Variants in CALD1 observed in about 807,000 individuals in gnomAD.
The protein encoded by CALD1 is caldesmon.
CALD1 carries 33 observed loss-of-function variants against 99.9 expected under a neutral mutation model. The observed-to-expected ratio is 0.33, with a 90% CI of 0.25 to 0.44. The LOEUF (loss-of-function observed/expected upper bound fraction) is 0.44. CALD1 is among the 20% of genes least tolerant of loss of function. CALD1 has a pLI of 1.00. For synonymous variants in CALD1, 310 were observed against 325.0 expected, an observed-to-expected ratio of 0.95 and a Z score of 0.50; for missense variants, 861 against 962.1, an observed-to-expected ratio of 0.89 and a Z score of 1.39.
intron 7 of CALD1, 128 bp downstream of exon 7, chr7:134,941,365 G>C: frequency 4.3e-6 from 3 of 705,350 alleles, no homozygotes; most frequent in Non-Finnish European, 4.7e-6. Context: ...TTGTTGTGAG[G>C]TCATTAGCCA....
At chr7:134,827,041 C>A (rs1304076095) in intron 1 of CALD1, among the ~76,000 whole-genome samples, 2 of 152,154 alleles carry the variant, frequency 1.3e-5, no homozygotes, top group Non-Finnish European at 2.9e-5. Context: ...AAAATTAACT[C>A]TTTAGCTCTT....
intron 1 of CALD1, among the ~76,000 whole-genome samples, chr7:134,828,210 G>A (rs10266499): frequency 0.11 from 16,016 of 152,248 alleles, 1,541 homozygotes; most frequent in African/African-American, 0.25. Flanking sequence ...GCTGGTGTAT[G>A]AGTAGGTCCT....
chr7:134,875,545 G>A (rs1035651850), intron 3 of CALD1, among the ~76,000 whole-genome samples: 2 of 152,178 alleles, frequency 1.3e-5, no homozygotes, highest in East Asian at 3.9e-4. Context: ...GCTGAGACAG[G>A]AGAATTGCTT....
upstream of CALD1, among the ~76,000 whole-genome samples, chr7:134,742,208 A>T (rs1375453363): frequency 6.6e-6 from 1 of 152,230 alleles, no homozygotes; most frequent in African/African-American, 2.4e-5. Flanking sequence ...TTTAGTAATA[A>T]CTGGGTTCTT....
intron 1 of CALD1, among the ~76,000 whole-genome samples, chr7:134,747,836 C>T (rs891121025): frequency 3.9e-5 from 6 of 152,242 alleles, no homozygotes; most frequent in East Asian, 1.9e-4. Flanking sequence ...AGAGAGTCCC[C>T]ACTAAGGCAA....
At chr7:134,917,922 T>C (rs983175401) in intron 3 of CALD1, among the ~76,000 whole-genome samples, 5 of 152,224 alleles carry the variant, frequency 3.3e-5, no homozygotes, top group African/African-American at 9.6e-5. Context: ...TCAGGAGCAA[T>C]AGATATCTTC....
At chr7:134,795,864 C>A (rs1021560908) in intron 1 of CALD1, among the ~76,000 whole-genome samples, 5 of 152,212 alleles carry the variant, frequency 3.3e-5, no homozygotes, top group African/African-American at 1.2e-4. Flanking sequence ...ATCCAGAGAG[C>A]TCCCTACGAC....
At chr7:134,829,732 A>C (rs1187848224) in intron 1 of CALD1, among the ~76,000 whole-genome samples, 2 of 152,224 alleles carry the variant, frequency 1.3e-5, no homozygotes, top group African/African-American at 4.8e-5. Flanking sequence ...TGACATGATT[A>C]GATTTATGTT....
intron 1 of CALD1, among the ~76,000 whole-genome samples, chr7:134,810,692 C>T (rs1798319452): frequency 6.6e-6 from 1 of 152,282 alleles, no homozygotes; most frequent in South Asian, 2.1e-4. Context: ...TTTCATAAAA[C>T]CCAAAGTTTA....
At chr7:134,962,576 G>T (rs761012427) in intron 13 of CALD1, among the ~76,000 whole-genome samples, 1 of 152,028 alleles carries the variant, frequency 6.6e-6, no homozygotes, top group Non-Finnish European at 1.5e-5. Context: ...AGAACCAGAT[G>T]GAAGAAAGTT....
intron 3 of CALD1, among the ~76,000 whole-genome samples, chr7:134,901,440 G>A (rs1043092400): frequency 8.5e-5 from 13 of 152,196 alleles, no homozygotes; most frequent in Middle Eastern, 3.4e-3. Context: ...ATGGGGGAAC[G>A]TAGGTGTTTC....
At chr7:134,722,378 CAGT>C in the CALD1 span, among the ~76,000 whole-genome samples, 4 of 151,830 alleles carry the variant, frequency 2.6e-5, no homozygotes, top group Non-Finnish European at 5.9e-5. Context: ...GTGCATTCTG[CAGT>C]AGTTCGATTT....
chr7:134,820,360 G>C (rs1415015259), intron 1 of CALD1, among the ~76,000 whole-genome samples: 1 of 152,128 alleles, frequency 6.6e-6, no homozygotes, highest in Non-Finnish European at 1.5e-5. Context: ...TTGTCAAAAA[G>C]GTGAAAAATA....
At chr7:134,924,055 T>G (rs559043015) in intron 3 of CALD1, among the ~76,000 whole-genome samples, 1 of 152,324 alleles carries the variant, frequency 6.6e-6, no homozygotes, top group African/African-American at 2.4e-5. Context: ...TATACCTAAG[T>G]GGTAATACTG....
intron 3 of CALD1, among the ~76,000 whole-genome samples, chr7:134,906,443 T>A (rs1235515833): frequency 2.0e-5 from 3 of 152,214 alleles, no homozygotes; most frequent in Non-Finnish European, 4.4e-5. Context: ...AGAGCAATCA[T>A]GTCTATTCAA....
intron 1 of CALD1, among the ~76,000 whole-genome samples, chr7:134,837,656 C>T (rs1284855032): frequency 6.6e-6 from 1 of 152,100 alleles, no homozygotes; most frequent in Non-Finnish European, 1.5e-5. Flanking sequence ...CAACAACAGA[C>T]TTTTATGAAG....
intron 2 of CALD1, among the ~76,000 whole-genome samples, chr7:134,858,036 A>C (rs904734550): frequency 1.3e-5 from 2 of 151,862 alleles, no homozygotes; most frequent in Non-Finnish European, 2.9e-5. Context: ...GTGTTAGTTG[A>C]ACAAACCAGT....
At chr7:134,861,164 G>A (rs143235081) in intron 2 of CALD1, among the ~76,000 whole-genome samples, 23 of 152,298 alleles carry the variant, frequency 1.5e-4, no homozygotes, top group Middle Eastern at 3.4e-3. Context: ...ATTATGTGGC[G>A]TAAGATGAAA....
At chr7:134,866,124 T>C (rs989600212) in intron 2 of CALD1, among the ~76,000 whole-genome samples, 1 of 152,202 alleles carries the variant, frequency 6.6e-6, no homozygotes, top group African/African-American at 2.4e-5. Flanking sequence ...ACTCCTGCCC[T>C]GTGGTCAGAA....
Sources: gnomAD v4.1 joint callset for allele counts (sites outside exome capture counted in the v4.1 genomes callset) on GRCh38, gnomAD v4.1.1 for gene constraint, MANE v1.5 for transcripts, NCBI Gene and HGNC (gene_info 2026-07-23, HGNC 2026-07-21) for gene names.